TMCO1: variants seen among roughly 807,000 people sequenced by gnomAD.
TMCO1 encodes the protein transmembrane and coiled-coil domains 1, also known as calcium load-activated calcium channel.
Under a neutral mutation model 29.3 loss-of-function variants are expected in TMCO1, and 29 were observed. The ratio of observed to expected loss-of-function variants is 0.99; its 90% CI spans 0.74 to 1.35. The LOEUF (loss-of-function observed/expected upper bound fraction) is 1.35. TMCO1 is among the 40% of genes most tolerant of loss of function. The pLI, the probability that TMCO1 is intolerant of heterozygous loss-of-function variation, is 0.00. For synonymous variants in TMCO1, 80 were observed against 77.1 expected (o/e 1.04, Z -0.20); for missense variants, 173 against 225.5 (o/e 0.77, Z 1.49).
At chr1:165,745,364 G>A (rs967915913) in intron 5 of TMCO1, among the ~76,000 whole-genome samples, 5 of 150,164 alleles carry the variant, frequency 3.3e-5, no homozygotes, top group Non-Finnish European at 5.9e-5. Context: ...GGCCAGGCGT[G>A]GTGGCTCATG....
At chr1:165,726,751 T>C (rs1265125418), downstream of TMCO1, 1 of 453,970 alleles carries the variant, frequency 2.2e-6, no homozygotes, top group South Asian at 1.6e-5. Context: ...CAGATCCTCT[T>C]TTTTGTCCTT....
At position 165,727,403 on chromosome 1, in the gene TMCO1, A is replaced by G. The variant is rs1319515196; in HGVS notation, c.*620T>C. The G allele has an allele frequency of 2.2e-6, 1 of 453,878 alleles. No homozygotes were observed. Among genetic ancestry groups the G allele is most frequent in the Non-Finnish European group, 4.4e-6 (1 of 226,778 alleles). 28.1% of individuals were successfully genotyped at this position (453,878 alleles called of 1,614,324 possible). ...GCTTTCCAATTCCTACACCAAGACA[A>G]CTCTGTATTTTGAGTATATGAGTCA... On this transcript the variant is annotated 3_prime_UTR_variant, in exon 7 of 7. Coordinates refer to ENST00000367881, the MANE Select transcript of TMCO1 (RefSeq NM_019026.6).
chr1:165,739,489 G>A (rs376810827), intron 6 of TMCO1, among the ~76,000 whole-genome samples: 160 of 152,132 alleles, frequency 1.1e-3, no homozygotes, highest in Middle Eastern at 3.4e-3. Flanking sequence ...CCGGGCTCAA[G>A]CAATCTTCCC....
intron 3 of TMCO1, 35 bp from the exon 4 acceptor site, chr1:165,754,309 A>G: frequency 6.5e-7 from 1 of 1,541,652 alleles, no homozygotes; most frequent in South Asian, 1.1e-5. Context: ...AATACATACA[A>G]TGCTGAGCAC....
intron 5 of TMCO1, among the ~76,000 whole-genome samples, chr1:165,744,810 A>AG (rs1651732673): frequency 6.6e-6 from 1 of 151,668 alleles, no homozygotes; most frequent in African/African-American, 2.4e-5. Context: ...AAAAAAAAAA[A>AG]AATTTCAATT....
At chr1:165,729,122 A>C (rs1433483721) in intron 6 of TMCO1, among the ~76,000 whole-genome samples, 7 of 151,182 alleles carry the variant, frequency 4.6e-5, no homozygotes, top group Admixed American at 4.6e-4. Context: ...AAAAAAAAAA[A>C]AAAAACCAGT....
chr1:165,740,145 G>C (rs1409559874), intron 6 of TMCO1, among the ~76,000 whole-genome samples: 1 of 151,458 alleles, frequency 6.6e-6, no homozygotes, highest in African/African-American at 2.4e-5. Flanking sequence ...AACAAACTCA[G>C]AATTGCTCTT....
chr1:165,725,022 CTCTATA>C (rs1352563964), downstream of TMCO1: 359 of 99,556 alleles, frequency 3.6e-3, no homozygotes, highest in African/African-American at 0.01. Flanking sequence ...CTCTCTCTCT[CTCTATA>C]TATATATATA....
intron 6 of TMCO1, among the ~76,000 whole-genome samples, chr1:165,734,834 G>A (rs58307614): frequency 0.013 from 2,019 of 151,936 alleles, 54 homozygotes; most frequent in African/African-American, 0.047. Context: ...GTTTTGTTTT[G>A]TTTTTTTGCA....
At chr1:165,746,221 A>G (rs1651789559) in intron 5 of TMCO1, among the ~76,000 whole-genome samples, 2 of 150,946 alleles carry the variant, frequency 1.3e-5, no homozygotes, top group African/African-American at 4.9e-5. Context: ...AGGCAGAAGA[A>G]TTGCTTGAAT....
At chr1:165,731,370 G>A (rs1651155854) in intron 6 of TMCO1, among the ~76,000 whole-genome samples, 1 of 152,192 alleles carries the variant, frequency 6.6e-6, no homozygotes, top group Admixed American at 6.5e-5. Flanking sequence ...AAGGGAAATT[G>A]CTTTAAAGAT....
chr1:165,744,514 G>C (rs1012955083), intron 5 of TMCO1, among the ~76,000 whole-genome samples: 1 of 152,060 alleles, frequency 6.6e-6, no homozygotes, highest in African/African-American at 2.4e-5. Flanking sequence ...CTTTCAGGCT[G>C]GGCACGGTGG....
In TMCO1 at chr1:165,759,537, T is replaced by G. The variant is rs1246344989; in HGVS notation, c.196A>C (p.Lys66Gln). 1 of 1,612,442 alleles carries G rather than the reference T, an allele frequency of 6.2e-7. No homozygotes were observed. Among genetic ancestry groups the G allele is most frequent in the South Asian group, 1.1e-5 (1 of 90,880 alleles). Residue 66 changes from lysine to glutamine, a missense_variant, in exon 3 of 7, where the codon AAA (lysine) becomes CAA (glutamine). By Grantham distance (53) the Lys-to-Gln change is moderately conservative. Transcript: ENST00000367881. ...TATCTCATCTTACCTATTTTCTTTT[T>G]CTGTTGTCGACCAGCTGACTCTGTT... Reference protein sequence around the residue: ...TITESAGRQQKKKIERQEEKL... With the variant: ...TITESAGRQQQKKIERQEEKL...
At chr1:165,742,552 G>A (rs975952098) in intron 6 of TMCO1, among the ~76,000 whole-genome samples, 7 of 152,074 alleles carry the variant, frequency 4.6e-5, no homozygotes, top group Non-Finnish European at 8.8e-5. Context: ...CATGAGCCAC[G>A]GCACCTGGCC....
intron 3 of TMCO1, among the ~76,000 whole-genome samples, chr1:165,758,703 T>C (rs1331816278): frequency 6.6e-6 from 1 of 152,238 alleles, no homozygotes; most frequent in Admixed American, 6.5e-5. Flanking sequence ...ACTTTGTTTC[T>C]CCAATGCTGT....
intron 6 of TMCO1, among the ~76,000 whole-genome samples, chr1:165,733,817 C>T (rs566972426): frequency 5.8e-4 from 89 of 152,214 alleles, no homozygotes; most frequent in African/African-American, 2.1e-3. Context: ...AAAGGAAAAA[C>T]ATTTTCCCAT....
At chr1:165,735,132 T>C (rs1411008982) in intron 6 of TMCO1, among the ~76,000 whole-genome samples, 1 of 152,176 alleles carries the variant, frequency 6.6e-6, no homozygotes, top group Non-Finnish European at 1.5e-5. Context: ...GGAGATTAAG[T>C]GACAATCTCT....
At chr1:165,755,403 A>T (rs535260120) in intron 3 of TMCO1, among the ~76,000 whole-genome samples, 135 of 152,184 alleles carry the variant, frequency 8.9e-4, no homozygotes, top group Non-Finnish European at 1.7e-3. Flanking sequence ...AAAAGAGGCC[A>T]TGTGTGGTAG....
intron 5 of TMCO1, among the ~76,000 whole-genome samples, chr1:165,743,756 C>T (rs1424022477): frequency 2.0e-5 from 3 of 151,516 alleles, no homozygotes; most frequent in East Asian, 3.9e-4. Flanking sequence ...CGGGTTCAAG[C>T]GATATAAAAT....
Sources: gnomAD v4.1 joint callset for allele counts (sites outside exome capture counted in the v4.1 genomes callset) on GRCh38, gnomAD v4.1.1 for gene constraint, MANE v1.5 for transcripts, NCBI Gene and HGNC (gene_info 2026-07-23, HGNC 2026-07-21) for gene names.